Variants in NDST4 observed in about 807,000 individuals in gnomAD.
NDST4 encodes the protein N-deacetylase and N-sulfotransferase 4.
Under a neutral mutation model 100.8 loss-of-function variants are expected in NDST4, and 63 were observed. That is an observed-to-expected ratio of 0.62 (90% CI 0.51 to 0.77). NDST4 has a LOEUF of 0.77. Among genes scored for constraint, NDST4 ranks in the 30% least tolerant of loss-of-function variants. NDST4 has a pLI of 0.00. For missense variants in NDST4, 943 were observed against 1,018.4 expected, an observed-to-expected ratio of 0.93 and a Z score of 1.01; for synonymous variants, 377 against 361.8, an observed-to-expected ratio of 1.04 and a Z score of -0.48.
chr4:115,060,227 C>T (rs775098455), intron 2 of NDST4, among the ~76,000 whole-genome samples: 4 of 151,902 alleles, frequency 2.6e-5, no homozygotes, highest in Non-Finnish European at 4.4e-5. Context: ...TTCATTTGTG[C>T]AGCCTAAAAA....
intron 2 of NDST4, among the ~76,000 whole-genome samples, chr4:115,055,237 G>A (rs1320426282): frequency 2.0e-5 from 3 of 151,982 alleles, no homozygotes; most frequent in East Asian, 1.9e-4. Flanking sequence ...CTGATTCTAC[G>A]TTATGGTAAC....
At chr4:114,926,883 A>C (rs1464189631) in intron 6 of NDST4, among the ~76,000 whole-genome samples, 1 of 152,094 alleles carries the variant, frequency 6.6e-6, no homozygotes, top group Admixed American at 6.5e-5. Context: ...AGTACTCTAG[A>C]GGGGAAAATT....
intron 2 of NDST4, among the ~76,000 whole-genome samples, chr4:115,057,513 C>T (rs1007071688): frequency 2.0e-5 from 3 of 152,056 alleles, no homozygotes; most frequent in Non-Finnish European, 2.9e-5. Context: ...AAAATGCCAA[C>T]CTGAAAGTAC....
rs562341951 is a variant in NDST4 at position 114,984,473 on chromosome 4, A to G, written c.979-7199T>C. Among the ~76,000 whole-genome samples the G allele has an allele frequency of 7.1e-4, 108 of 152,202 alleles. 1 individual carries two copies. Among genetic ancestry groups the G allele is most frequent in the East Asian group, 5.8e-4 (3 of 5,172 alleles). On this transcript the variant is annotated intron_variant, in intron 2 of 13. Transcript: ENST00000264363. ...CATGAGCAACGGCGCCAGGCCTAATACAGTCTTATATTTTCAAAATTTCAA... is the reference window on the plus strand; with the variant it reads ...CATGAGCAACGGCGCCAGGCCTAATGCAGTCTTATATTTTCAAAATTTCAA...
chr4:114,902,462 G>C (rs1724864842), intron 6 of NDST4, among the ~76,000 whole-genome samples: 1 of 151,832 alleles, frequency 6.6e-6, no homozygotes, highest in Non-Finnish European at 1.5e-5. Context: ...TCTTATCTTT[G>C]CTCCTCTGTT....
intron 6 of NDST4, among the ~76,000 whole-genome samples, chr4:114,887,056 T>A (rs1282377119): frequency 6.6e-6 from 1 of 152,186 alleles, no homozygotes; most frequent in Non-Finnish European, 1.5e-5. Flanking sequence ...GAATTACACT[T>A]TGGCTTTCAC....
In NDST4 at chr4:115,035,692, G is replaced by A. The variant is rs1290209562; in HGVS notation, c.978+40367C>T. Among the ~76,000 whole-genome samples, 3 of 151,958 alleles carry A rather than the reference G, an allele frequency of 2.0e-5. No homozygotes were observed. In the East Asian group the frequency reaches 5.8e-4, roughly 29 times the overall value. ...TATTCAGTTGACTTTTATTCTATATGTGTACCTATATGACTACGAGTTGAA... is the reference window on the plus strand; with the variant it reads ...TATTCAGTTGACTTTTATTCTATATATGTACCTATATGACTACGAGTTGAA... On this transcript the variant is annotated intron_variant, in intron 2 of 13. Transcript: ENST00000264363.
chr4:114,830,382 T>C (rs1487059607), intron 12 of NDST4, among the ~76,000 whole-genome samples: 2 of 152,186 alleles, frequency 1.3e-5, no homozygotes, highest in East Asian at 1.9e-4. Flanking sequence ...AGTTCAGAAA[T>C]TATTGCATTT....
intron 6 of NDST4, among the ~76,000 whole-genome samples, chr4:114,934,158 ATAT>A (rs1725574138): frequency 6.6e-6 from 1 of 152,174 alleles, no homozygotes; most frequent in Non-Finnish European, 1.5e-5. Context: ...ATAAAATAAA[ATAT>A]TATTCATCCT....
intron 6 of NDST4, among the ~76,000 whole-genome samples, chr4:114,876,004 T>G (rs1178747498): frequency 6.6e-6 from 1 of 152,214 alleles, no homozygotes; most frequent in Admixed American, 6.5e-5. Context: ...AATATTTGGG[T>G]ACTTAGTCCT....
intron 2 of NDST4, among the ~76,000 whole-genome samples, chr4:115,045,498 A>G (rs1370143236): frequency 6.6e-6 from 1 of 152,168 alleles, no homozygotes; most frequent in Non-Finnish European, 1.5e-5. Context: ...CCCTGAGAAG[A>G]CTGGCTGTGT....
chr4:115,043,232 C>T (rs768424821), intron 2 of NDST4, among the ~76,000 whole-genome samples: 2 of 151,906 alleles, frequency 1.3e-5, no homozygotes, highest in African/African-American at 4.8e-5. Flanking sequence ...CAATCATGGT[C>T]TTTACTGATA....
intron 2 of NDST4, among the ~76,000 whole-genome samples, chr4:115,031,756 G>T (rs75995261): frequency 0.019 from 2,865 of 152,108 alleles, 92 homozygotes; most frequent in African/African-American, 0.065. Flanking sequence ...AGCTTCCTTA[G>T]ATTTTTTTCT....
chr4:115,052,584 C>T (rs924093884), intron 2 of NDST4, among the ~76,000 whole-genome samples: 6 of 152,024 alleles, frequency 3.9e-5, no homozygotes, highest in Admixed American at 2.6e-4. Context: ...GGGCAGTTCC[C>T]CTACACAAGC....
At chr4:114,989,794 T>A (rs772593529) in intron 2 of NDST4, among the ~76,000 whole-genome samples, 1 of 152,176 alleles carries the variant, frequency 6.6e-6, no homozygotes, top group African/African-American at 2.4e-5. Context: ...TTTCTAGAAC[T>A]CTTAATATCA....
At chr4:115,109,129 AAGAG>A (rs1388353367) in intron 1 of NDST4, among the ~76,000 whole-genome samples, 3 of 151,670 alleles carry the variant, frequency 2.0e-5, no homozygotes, top group African/African-American at 7.3e-5. Flanking sequence ...AGAATAGAAA[AAGAG>A]AGGAAGGGAA....
chr4:114,866,808 G>A (rs1443542332), intron 7 of NDST4, among the ~76,000 whole-genome samples: 1 of 152,098 alleles, frequency 6.6e-6, no homozygotes, highest in Non-Finnish European at 1.5e-5. Context: ...AGCAGTTATT[G>A]TGGCTTATAA....
intron 2 of NDST4, among the ~76,000 whole-genome samples, chr4:114,997,595 T>C (rs1211050875): frequency 2.0e-5 from 3 of 151,980 alleles, no homozygotes; most frequent in Middle Eastern, 3.2e-3. Context: ...ATTAATTCAG[T>C]CTTGTATTGT....
At chr4:114,856,269 G>A (rs1313115873) in intron 7 of NDST4, among the ~76,000 whole-genome samples, 1 of 152,074 alleles carries the variant, frequency 6.6e-6, no homozygotes, top group Non-Finnish European at 1.5e-5. Context: ...TTGCCATGTT[G>A]CTCAGGCTGG....
Sources: allele counts gnomAD v4.1 joint callset (sites outside exome capture counted in the v4.1 genomes callset), GRCh38; gene constraint gnomAD v4.1.1; transcripts MANE v1.5; gene names NCBI Gene and HGNC (gene_info 2026-07-23, HGNC 2026-07-21).